The following NRAS variants were observed in gnomAD, a reference collection of about 807,000 sequenced individuals.
NRAS encodes NRAS proto-oncogene, GTPase, also known as GTPase NRas.
Under a neutral mutation model 21.3 loss-of-function variants are expected in NRAS, and 6 were observed. That is an observed-to-expected ratio of 0.28 (90% CI 0.15 to 0.56). The LOEUF (loss-of-function observed/expected upper bound fraction) is 0.56, where lower values mean the gene tolerates loss of function less well. Among genes scored for constraint, NRAS ranks in the 20% least tolerant of loss-of-function variants. The probability of loss-of-function intolerance (pLI) is 0.93; values close to 1 mark genes in which losing one functional copy is unlikely to be tolerated. For missense variants in NRAS, 143 were observed against 231.3 expected (o/e 0.62, Z 2.48); for synonymous variants, 84 against 82.0 (o/e 1.02, Z -0.13).
chr1:114,709,925 G>A (rs1659002607), intron 3 of NRAS, among the ~76,000 whole-genome samples, 197 bp from the exon 4 acceptor site: 1 of 152,020 alleles, frequency 6.6e-6, no homozygotes, highest in Non-Finnish European at 1.5e-5. Flanking sequence ...GGGTGCAGTG[G>A]CTCATGCCTG....
intron 3 of NRAS, among the ~76,000 whole-genome samples, chr1:114,712,499 T>C (rs1659069943): frequency 3.3e-5 from 5 of 152,150 alleles, no homozygotes; most frequent in Admixed American, 3.3e-4. Flanking sequence ...AAAAATGACT[T>C]CTAGAAATTC....
At chr1:114,713,057 G>T (rs1156253910) in intron 3 of NRAS, among the ~76,000 whole-genome samples, 2 of 152,160 alleles carry the variant, frequency 1.3e-5, no homozygotes, top group Non-Finnish European at 2.9e-5. Context: ...TATTGTACTA[G>T]AATTTTTATG....
At chr1:114,715,558 C>T (rs1659142474) in intron 2 of NRAS, among the ~76,000 whole-genome samples, 1 of 152,120 alleles carries the variant, frequency 6.6e-6, no homozygotes. Context: ...TGCTCAATAT[C>T]ACACAACTAA....
intron 3 of NRAS, 34 bp downstream of exon 3, chr1:114,713,766 A>T: frequency 5.1e-6 from 8 of 1,560,578 alleles, no homozygotes; most frequent in Non-Finnish European, 7.1e-6. Flanking sequence ...GAACACAAAG[A>T]TCATCCTTTC....
chr1:114,711,974 T>C (rs1659055538), intron 3 of NRAS, among the ~76,000 whole-genome samples: 1 of 152,234 alleles, frequency 6.6e-6, no homozygotes, highest in Non-Finnish European at 1.5e-5. Context: ...TACTGCACAG[T>C]ACTGTTTTAG....
At chr1:114,709,806 A>C (rs1658999839) in intron 3 of NRAS, 78 bp from the exon 4 acceptor site, 11 of 1,231,762 alleles carry the variant, frequency 8.9e-6, no homozygotes, top group Non-Finnish European at 1.3e-5. Flanking sequence ...CTGCAATCTC[A>C]GCACTTTGGG....
chr1:114,712,802 T>G (rs1659075188), intron 3 of NRAS, among the ~76,000 whole-genome samples: 1 of 152,232 alleles, frequency 6.6e-6, no homozygotes, highest in East Asian at 1.9e-4. Flanking sequence ...GTAGGTATTA[T>G]TATTTCCATA....
At position 114,706,628 on chromosome 1, in the gene NRAS, T is replaced by A. The variant is rs374183050; in HGVS notation, c.*1466A>T. On this transcript the variant is annotated 3_prime_UTR_variant, in exon 7 of 7. Transcript: ENST00000369535. Reference sequence around the variant, plus strand: ...TCTACATGGCTAAAAGAAAAAAAAATGTTTAAATACGTGATACTGAGTTTT... The same window carrying A: ...TCTACATGGCTAAAAGAAAAAAAAAAGTTTAAATACGTGATACTGAGTTTT... 2 of 152,030 alleles carry A rather than the reference T, an allele frequency of 1.3e-5. No individual in the cohort carries two copies. Among genetic ancestry groups the A allele is most frequent in the East Asian group, 1.9e-4 (1 of 5,194 alleles). 9.4% of individuals were successfully genotyped at this position (152,030 alleles called of 1,614,324 possible).
intron 2 of NRAS, among the ~76,000 whole-genome samples, chr1:114,714,655 C>T (rs1006843050): frequency 6.6e-6 from 1 of 152,002 alleles, no homozygotes; most frequent in African/African-American, 2.4e-5. Context: ...TTGGAGAACT[C>T]TCTGGAGTAC....
rs988648950 is a variant in NRAS at position 114,705,490 on chromosome 1, G to A, written c.*2604C>T. On this transcript the variant is annotated 3_prime_UTR_variant, in exon 7 of 7. Coordinates refer to ENST00000369535, the MANE Select transcript of NRAS (RefSeq NM_002524.5). ...AGGCACTTAATTTGGGGAAAGAGAA[G>A]GATTTTGAGGTAAACTAGAATTCTT... is the stretch of plus-strand genomic sequence containing the variant. 3.9e-5 allele frequency: 6 copies of A among 152,174 alleles called. No individual in the cohort carries two copies. Among genetic ancestry groups the A allele is most frequent in the Non-Finnish European group, 8.8e-5 (6 of 68,026 alleles). The allele number at this position is 152,174 out of a possible 1,614,324, so 9.4% of individuals were successfully genotyped here.
chr1:114,706,194 C>T lies in NRAS; in HGVS notation c.*1900G>A, dbSNP rs1658917072. The T allele has an allele frequency of 1.3e-5, 2 of 152,176 alleles. No individual in the cohort carries two copies. The highest frequency in any genetic ancestry group is 1.3e-4 in the Admixed American group (2 of 15,280). 9.4% of individuals were successfully genotyped at this position (152,176 alleles called of 1,614,324 possible). On this transcript the variant is annotated 3_prime_UTR_variant, in exon 7 of 7. Coordinates refer to ENST00000369535, the MANE Select transcript of NRAS (RefSeq NM_002524.5). ...TCTGGACACAGTATATGTTTCTTCT[C>T]TTCTGAATTTCAAGGTAATATGACA...
In NRAS at chr1:114,713,911, C is replaced by A. The variant is rs267606920; in HGVS notation, c.179G>T (p.Gly60Val). The change falls in exon 3 of 7, where the codon GGA (glycine) becomes GTA (valine). Residue 60 changes from glycine (G) to valine (V), a missense_variant. Transcript: ENST00000369535. ...TCLLDILDTA[G>V]QEEYSAMRDQ... ...TCTCATGGCACTGTACTCTTCTTGT[C>A]CAGCTGTATCCAGTATGTCCAACAA... 1 of 1,611,762 alleles carries A rather than the reference C, an allele frequency of 6.2e-7. No homozygotes were observed. The highest frequency in any genetic ancestry group is 8.5e-7 in the Non-Finnish European group (1 of 1,178,058).
At chr1:114,714,930 G>A (rs1013125136) in intron 2 of NRAS, among the ~76,000 whole-genome samples, 3 of 152,192 alleles carry the variant, frequency 2.0e-5, no homozygotes, top group Admixed American at 2.0e-4. Context: ...AATTAAACAC[G>A]AGTAGCCAGA....
rs9724618 is a variant in NRAS at position 114,716,463 on chromosome 1, G to A, written c.-18+195C>T. ...CCCCGAAGGCTTCTCAGCTCTAGCA[G>A]GAAGCCTCCAGGCCGCAACTCCTTC... On this transcript the variant is annotated intron_variant, in intron 1 of 6. Transcript: ENST00000369535. 0.014 allele frequency among the ~76,000 whole-genome samples: 2,185 copies of A among 152,116 alleles called. 38 individuals are homozygous for A. The highest frequency in any genetic ancestry group is 0.05 in the African/African-American group (2,059 of 41,480).
rs143122384 is a variant in NRAS at position 114,715,097 on chromosome 1, C to T, written c.111+953G>A. ...AGGCTGGAGGTCTGTGGTGTGATCT[C>T]GGCTCACTGCACCCTCTGCCTCTGG... On this transcript the variant is annotated intron_variant, in intron 2 of 6. Coordinates refer to ENST00000369535, the MANE Select transcript of NRAS (RefSeq NM_002524.5). Among the ~76,000 whole-genome samples the T allele has an allele frequency of 2.8e-4, 43 of 152,060 alleles. No individual in the cohort carries two copies. In the East Asian group the frequency reaches 8.0e-3, roughly 28 times the overall value.
chr1:114,708,748 G>T lies in NRAS; in HGVS notation c.451-94C>A, dbSNP rs915673233. The T allele has an allele frequency of 9.7e-6, 11 of 1,138,340 alleles. No homozygotes were observed. In the Admixed American group the frequency reaches 2.1e-4, roughly 22 times the overall value. 70.5% of individuals were successfully genotyped at this position (1,138,340 alleles called of 1,614,324 possible). A position where few individuals can be genotyped will look rare whatever the true frequency, so the allele number is the denominator to read the frequency against. On this transcript the variant is annotated intron_variant, in intron 4 of 6. Transcript: ENST00000369535. ...TCTTGCATTTGTATCTCTTTATGTG[G>T]ACATAAGATTCCAATTACTAAACGA...
At chr1:114,712,851 C>T (rs1297929306) in intron 3 of NRAS, among the ~76,000 whole-genome samples, 1 of 152,162 alleles carries the variant, frequency 6.6e-6, no homozygotes, top group Non-Finnish European at 1.5e-5. Flanking sequence ...TGAGTCACGT[C>T]GCTAATAAAC....
intron 3 of NRAS, among the ~76,000 whole-genome samples, chr1:114,710,759 A>G (rs1659028653): frequency 1.3e-5 from 2 of 152,226 alleles, no homozygotes; most frequent in South Asian, 2.1e-4. Context: ...TCAGGAAGCC[A>G]TAAGTACAAG....
At position 114,716,080 on chromosome 1, in the gene NRAS, G is replaced by A. The variant is rs2101744079; in HGVS notation, c.81C>T (p.His27=). ...SALTIQLIQN[H]FVDEYDPTIE... is the part of the protein sequence containing the mutation. ...TGGTGGGATCATATTCATCTACAAAGTGGTTCTGGATTAGCTGGATTGTCA... is the reference window on the plus strand; with the variant it reads ...TGGTGGGATCATATTCATCTACAAAATGGTTCTGGATTAGCTGGATTGTCA... The change falls in exon 2 of 7, where the codon CAC becomes CAT. Residue 27 remains histidine (H), a synonymous_variant. Transcript: ENST00000369535. 6.2e-7 allele frequency: 1 copy of A among 1,613,556 alleles called. No individual in the cohort carries two copies. The highest frequency in any genetic ancestry group is 8.5e-7 in the Non-Finnish European group (1 of 1,179,458).
Sources: allele counts gnomAD v4.1 joint callset (sites outside exome capture counted in the v4.1 genomes callset), GRCh38; gene constraint gnomAD v4.1.1; transcripts MANE v1.5; gene names NCBI Gene and HGNC (gene_info 2026-07-23, HGNC 2026-07-21).